The following NOB1 variants were observed in gnomAD, a reference collection of about 807,000 sequenced individuals.
NOB1 encodes the protein NIN1 (RPN12) binding protein 1 homolog.
In NOB1, 44 loss-of-function variants were observed where a neutral mutation model predicts 44.8. The observed-to-expected ratio is 0.98, with a 90% CI of 0.77 to 1.26. The LOEUF (loss-of-function observed/expected upper bound fraction) is 1.26, where lower values mean the gene tolerates loss of function less well. Ranked by LOEUF, NOB1 falls within the 50% of genes most tolerant of loss-of-function variation. NOB1 has a pLI of 0.00. For synonymous variants in NOB1, 238 were observed against 218.7 expected (o/e 1.09, Z -0.78); for missense variants, 560 against 544.8 (o/e 1.03, Z -0.28).
chr16:69,752,075 A>G (rs560465660), intron 3 of NOB1, among the ~76,000 whole-genome samples, 166 bp downstream of exon 3: 30 of 152,246 alleles, frequency 2.0e-4, no homozygotes, highest in Non-Finnish European at 3.5e-4. Context: ...AAAAAAAAAA[A>G]AGTACTCAGG....
At chr16:69,748,422 AT>A (rs1369508521) in intron 6 of NOB1, 93 bp from the exon 7 acceptor site, 5 of 1,199,612 alleles carry the variant, frequency 4.2e-6, no homozygotes, top group Non-Finnish European at 6.0e-6. Flanking sequence ...TGCCTTGCCC[AT>A]ATTCCTTGGC....
At chr16:69,750,149 G>C (rs899813620) in intron 3 of NOB1, among the ~76,000 whole-genome samples, 8 of 151,538 alleles carry the variant, frequency 5.3e-5, no homozygotes, top group Non-Finnish European at 2.9e-5. Flanking sequence ...GATTACAGGT[G>C]TGCGCCACCA....
In NOB1 at chr16:69,744,921, G is replaced by A. The variant is rs370129186; in HGVS notation, c.921C>T (p.His307=). 26 of 1,614,024 alleles carry A rather than the reference G, an allele frequency of 1.6e-5. No homozygotes were observed. The highest frequency in any genetic ancestry group is 4.5e-5 in the East Asian group (2 of 44,900). ...CCTTGGGGTTGCGGGAGAAGTGCATGTGCAGGGTGCCGTCGTCGCTGACGG... is the reference window on the plus strand; with the variant it reads ...CCTTGGGGTTGCGGGAGAAGTGCATATGCAGGGTGCCGTCGTCGCTGACGG... ...SVTVSDDGTL[H]MHFSRNPKVL... The change falls in exon 8 of 9, where the codon CAC becomes CAT. Residue 307 remains histidine (H), a synonymous_variant. Transcript: ENST00000268802.
intron 7 of NOB1, among the ~76,000 whole-genome samples, chr16:69,746,074 C>T (rs1242889077): frequency 6.6e-6 from 1 of 152,258 alleles, no homozygotes; most frequent in Non-Finnish European, 1.5e-5. Flanking sequence ...ATGGGCCGCT[C>T]TGAGGAGTGG....
intron 7 of NOB1, 141 bp downstream of exon 7, chr16:69,748,091 G>A (rs1434494702): frequency 1.2e-5 from 7 of 572,432 alleles, no homozygotes; most frequent in East Asian, 1.0e-4. Context: ...CTTGAACCCA[G>A]GAGGCAGAGG....
intron 3 of NOB1, among the ~76,000 whole-genome samples, chr16:69,751,370 C>A (rs956902305): frequency 6.9e-6 from 1 of 145,692 alleles, no homozygotes; most frequent in Non-Finnish European, 1.5e-5. Flanking sequence ...TATTCTTTTG[C>A]ATTTTCCAAA....
intron 7 of NOB1, among the ~76,000 whole-genome samples, chr16:69,747,652 C>T (rs1169724059): frequency 6.6e-6 from 1 of 152,098 alleles, no homozygotes; most frequent in African/African-American, 2.4e-5. Context: ...CAAGGACAAA[C>T]ATTTCGGTAT....
intron 3 of NOB1, among the ~76,000 whole-genome samples, chr16:69,751,628 C>T (rs1463512184): frequency 6.6e-6 from 1 of 152,164 alleles, no homozygotes; most frequent in Non-Finnish European, 1.5e-5. Context: ...TGAATGTTGA[C>T]TGGATATTTG....
At chr16:69,749,182 G>C (rs1435248839) in intron 5 of NOB1, 31 bp downstream of exon 5, 1 of 1,613,058 alleles carries the variant, frequency 6.2e-7, no homozygotes, top group South Asian at 1.1e-5. Context: ...AAGTTGAGCT[G>C]TCGTCAGAAG....
chr16:69,750,783 T>G (rs1226150269), intron 3 of NOB1, among the ~76,000 whole-genome samples: 1 of 152,006 alleles, frequency 6.6e-6, no homozygotes, highest in African/African-American at 2.4e-5. Flanking sequence ...TTAAAAAAAT[T>G]TGAGGGTAGT....
intron 7 of NOB1, among the ~76,000 whole-genome samples, chr16:69,747,524 C>T (rs1442067597): frequency 6.6e-6 from 1 of 152,160 alleles, no homozygotes; most frequent in Non-Finnish European, 1.5e-5. Flanking sequence ...AACAAACCTC[C>T]ATGTATCCAT....
rs528824487 is a variant in NOB1, at chr16:69,748,956, C to G, written c.688G>C (p.Val230Leu). ...TCTGTGGTCAGGCAGCCAACCCGCA[C>G]GTCCTCGGGGACGTCACACTGCTCC... ...ELEQCDVPED[V>L]RVGCLTTDFA... is the part of the protein sequence containing the mutation. Residue 230 changes from valine (V) to leucine (L), a missense_variant, in exon 6 of 9, where the codon GTG becomes CTG. Transcript: ENST00000268802. 6.2e-7 allele frequency: 1 copy of G among 1,612,892 alleles called. No homozygotes were observed. The highest frequency in any genetic ancestry group is 2.2e-5 in the East Asian group (1 of 44,866).
Position 69,749,244 on chromosome 16 carries a change from G to C in NOB1, c.494C>G (p.Pro165Arg), listed in dbSNP as rs977069740. ...SSFMFWRNPLPNIDHELQELL... is the reference protein window; with the variant it reads ...SSFMFWRNPLRNIDHELQELL... The stretch of plus-strand genomic sequence containing the variant: ...CTCCTGCAGTTCATGATCGATGTTG[G>C]GCAAAGGGTTTCTCCAGAACATGAA... The change falls in exon 5 of 9, where the codon CCC becomes CGC. Residue 165 changes from proline (P) to arginine (R), a missense_variant. Coordinates refer to ENST00000268802, the MANE Select transcript of NOB1 (RefSeq NM_014062.3). 3 of 1,613,616 alleles carry C rather than the reference G, an allele frequency of 1.9e-6. No individual in the cohort carries two copies. In the Admixed American group the frequency reaches 5.0e-5, roughly 27 times the overall value.
rs142024768 is a variant in NOB1, at chr16:69,751,296, C to T, written c.327+945G>A. Among the ~76,000 whole-genome samples the T allele has an allele frequency of 2.4e-4, 36 of 152,244 alleles. No homozygotes were observed. The East Asian group carries it at 5.8e-3, about 24-fold the overall frequency. On this transcript the variant is annotated intron_variant, in intron 3 of 8. Coordinates refer to ENST00000268802, the MANE Select transcript of NOB1 (RefSeq NM_014062.3). ...GCCCTGGGATTATAGGCATAAGCCA[C>T]GGCACCTGGCCAGAAATAGTTCTTT...
intron 2 of NOB1, among the ~76,000 whole-genome samples, chr16:69,753,358 C>T (rs1283982468): frequency 6.6e-6 from 1 of 152,210 alleles, no homozygotes; most frequent in African/African-American, 2.4e-5. Flanking sequence ...TGTTATTCTC[C>T]AGAGTCATCC....
In NOB1 at chr16:69,754,922, GA is replaced by G. The variant is rs772664764; in HGVS notation, c.-13del. The G allele has an allele frequency of 6.4e-7, 1 of 1,571,552 alleles. No homozygotes were observed. Among genetic ancestry groups the G allele is most frequent in the Admixed American group, 1.9e-5 (1 of 53,320 alleles). ...TCCACTGGAGCCATGTTGGCTGCGT[GA>G]GAGGGGAGCGCGCATGCGCACGGAG... On this transcript the variant is annotated 5_prime_UTR_variant, in exon 1 of 9. Coordinates refer to ENST00000268802, the MANE Select transcript of NOB1 (RefSeq NM_014062.3).
At chr16:69,745,575 C>T (rs2038423854) in intron 7 of NOB1, among the ~76,000 whole-genome samples, 1 of 152,192 alleles carries the variant, frequency 6.6e-6, no homozygotes, top group African/African-American at 2.4e-5. Flanking sequence ...ATGAGAGAGA[C>T]AGGAAACATG....
At chr16:69,749,684 G>GCT in intron 3 of NOB1, 54 bp from the exon 4 acceptor site, 1 of 1,206,670 alleles carries the variant, frequency 8.3e-7, no homozygotes, top group Non-Finnish European at 1.1e-6. Flanking sequence ...AAGATATCCA[G>GCT]TTTTTTTTTT....
intron 5 of NOB1, 28 bp from the exon 6 acceptor site, chr16:69,749,146 C>T (rs995914472): frequency 1.2e-6 from 2 of 1,614,104 alleles, no homozygotes; most frequent in African/African-American, 1.3e-5. Context: ...CTTTCAAACT[C>T]CCAACCCACA....
Sources: allele counts gnomAD v4.1 joint callset (sites outside exome capture counted in the v4.1 genomes callset), GRCh38; gene constraint gnomAD v4.1.1; transcripts MANE v1.5; gene names NCBI Gene and HGNC (gene_info 2026-07-23, HGNC 2026-07-21).